TMED3: variants seen among roughly 807,000 people sequenced by gnomAD.
TMED3 encodes the protein transmembrane p24 trafficking protein 3.
Under a neutral mutation model 15.0 loss-of-function variants are expected in TMED3, and 9 were observed. The observed-to-expected ratio is 0.60, with a 90% CI of 0.36 to 1.04. The LOEUF is 1.04. TMED3 is among the 50% of genes least tolerant of loss of function. TMED3 has a pLI of 0.01. For missense variants in TMED3, 267 were observed against 278.9 expected, an observed-to-expected ratio of 0.96 and a Z score of 0.30; for synonymous variants, 117 against 121.4, an observed-to-expected ratio of 0.96 and a Z score of 0.24.
chr15:79,314,696 G>A lies in TMED3; in HGVS notation c.417+691G>A, dbSNP rs533576732. ...TGTGGCAAAGCTGGATGAAAGGAAG[G>A]CTGGCAAGTAGAGCCTTAGCAACAG... On this transcript the variant is annotated intron_variant, in intron 2 of 2. Transcript: ENST00000299705. 78 of 375,820 alleles carry A rather than the reference G, an allele frequency of 2.1e-4. No homozygotes were observed. In the Middle Eastern group the frequency reaches 4.0e-3, roughly 19 times the overall value. The allele number at this position is 375,820 out of a possible 1,614,324, so 23.3% of individuals were successfully genotyped here. A position where few individuals can be genotyped will look rare whatever the true frequency, so the allele number is the denominator to read the frequency against.
In TMED3 at chr15:79,387,210, CT is replaced by C. The variant is rs773349912; in HGVS notation, c.418-24189del. Among the ~76,000 whole-genome samples, 13 of 152,264 alleles carry C rather than the reference CT, an allele frequency of 8.5e-5. No homozygotes were observed. The East Asian group carries it at 1.5e-3, about 18-fold the overall frequency. The stretch of plus-strand genomic sequence containing the variant: ...TTTTATATTTAAGTCTATAATCCCC[CT>C]GGATTGTTTTTAGTGTTTTAGAAAG... On this transcript the variant is annotated intron_variant, in intron 2 of 2. Coordinates refer to the TMED3 transcript ENST00000424155.
chr15:79,362,540 A>C (rs921648844), intron 2 of TMED3, among the ~76,000 whole-genome samples: 1 of 152,160 alleles, frequency 6.6e-6, no homozygotes, highest in African/African-American at 2.4e-5. Context: ...TTTATGTATA[A>C]GAATTGATAT....
intron 2 of TMED3, among the ~76,000 whole-genome samples, chr15:79,334,477 G>T (rs1372221434): frequency 6.6e-6 from 1 of 152,150 alleles, no homozygotes; most frequent in African/African-American, 2.4e-5. Context: ...AGCTTTTCAG[G>T]CAGGTGTGCA....
intron 2 of TMED3, among the ~76,000 whole-genome samples, chr15:79,331,801 G>T (rs1449723812): frequency 6.6e-6 from 1 of 152,142 alleles, no homozygotes; most frequent in Non-Finnish European, 1.5e-5. Context: ...ATGAAAATAT[G>T]CTCAACATCA....
chr15:79,352,115 G>A (rs2174822), intron 2 of TMED3, among the ~76,000 whole-genome samples: 14,176 of 151,858 alleles, frequency 0.093, 710 homozygotes, highest in Admixed American at 0.12. Flanking sequence ...TATTGGGGAC[G>A]GTGTACACTG....
At chr15:79,346,720 T>G (rs895508369) in intron 2 of TMED3, among the ~76,000 whole-genome samples, 2 of 152,218 alleles carry the variant, frequency 1.3e-5, no homozygotes, top group Non-Finnish European at 2.9e-5. Context: ...GGGTCCAGTT[T>G]CAATCTCCTG....
At chr15:79,318,976 T>G (rs962250700) in intron 2 of TMED3, among the ~76,000 whole-genome samples, 17 of 152,184 alleles carry the variant, frequency 1.1e-4, no homozygotes, top group African/African-American at 4.1e-4. Flanking sequence ...ACCTACCAAA[T>G]GCAGGGAAGT....
chr15:79,397,428 C>T (rs541115108), intron 2 of TMED3, among the ~76,000 whole-genome samples: 26 of 152,324 alleles, frequency 1.7e-4, no homozygotes, highest in African/African-American at 6.3e-4. Flanking sequence ...TCTGAAGAGC[C>T]TCTTTCCCTC....
In TMED3 at chr15:79,311,324, C is replaced by T. The variant is rs140908103; in HGVS notation, c.75C>T (p.Cys25=). The T allele has an allele frequency of 2.9e-5, 46 of 1,609,608 alleles. 1 individual carries two copies. The South Asian group carries it at 4.4e-4, about 15-fold the overall frequency. ...LLLLRRAEQP[C]GAELTFELPD... ...TCCTGCGCCGGGCCGAGCAGCCCTG[C>T]GGGGCCGAGCTCACCTTCGAGCTGC... The change falls in exon 1 of 3, where the codon TGC becomes TGT. Residue 25 remains cysteine, a synonymous_variant. Coordinates refer to ENST00000299705, the MANE Select transcript of TMED3 (RefSeq NM_007364.4).
downstream of TMED3, among the ~76,000 whole-genome samples, chr15:79,326,870 TA>T (rs2058789320): frequency 6.6e-6 from 1 of 152,126 alleles, no homozygotes; most frequent in African/African-American, 2.4e-5. Flanking sequence ...GAGTAACTTA[TA>T]AAGAAAAAAT....
rs114771709 is a variant in TMED3, at chr15:79,357,005, A to C, written c.417+43000A>C. On this transcript the variant is annotated intron_variant, in intron 2 of 2. Transcript: ENST00000424155. ...AAGCAAACTGAAAAACAGAATGTGT[A>C]GTATGAACCCATTTAAAATAAAAAG... Among the ~76,000 whole-genome samples the C allele has an allele frequency of 1.7e-3, 262 of 151,354 alleles. 1 individual carries two copies. Among genetic ancestry groups the C allele is most frequent in the African/African-American group, 6.2e-3 (256 of 41,086 alleles).
In TMED3 at chr15:79,311,188, GC is replaced by G. The variant is rs2058710784; in HGVS notation, c.-58del. On this transcript the variant is annotated 5_prime_UTR_variant, in exon 1 of 3. Transcript: ENST00000299705. ...TCCTAGGACCCGGTCGGTAGTCGTC[GC>G]CCCAGCCCGCCGGGGGCGCAGCGCC... is the stretch of plus-strand genomic sequence containing the variant. 1 of 1,514,704 alleles carries G rather than the reference GC, an allele frequency of 6.6e-7. No homozygotes were observed. Among genetic ancestry groups the G allele is most frequent in the African/African-American group, 1.4e-5 (1 of 71,730 alleles). The allele number at this position is 1,514,704 out of a possible 1,614,324, so 93.8% of individuals were successfully genotyped here.
At chr15:79,339,536 A>G (rs1215284602) in intron 2 of TMED3, among the ~76,000 whole-genome samples, 1 of 152,160 alleles carries the variant, frequency 6.6e-6, no homozygotes, top group African/African-American at 2.4e-5. Flanking sequence ...ATTAACTTCC[A>G]TTGCAAAAGT....
intron 2 of TMED3, among the ~76,000 whole-genome samples, chr15:79,351,089 T>A (rs2058889568): frequency 1.3e-5 from 2 of 152,216 alleles, no homozygotes; most frequent in South Asian, 4.1e-4. Flanking sequence ...AATGTTACTG[T>A]ATTTATTGTC....
At chr15:79,346,877 A>G (rs2058873274) in intron 2 of TMED3, among the ~76,000 whole-genome samples, 1 of 152,146 alleles carries the variant, frequency 6.6e-6, no homozygotes. Context: ...TCTGAAATTG[A>G]GCCAGTAATA....
intron 2 of TMED3, among the ~76,000 whole-genome samples, chr15:79,343,585 T>G (rs2058858737): frequency 6.6e-6 from 1 of 152,190 alleles, no homozygotes; most frequent in Admixed American, 6.5e-5. Context: ...TGTGTTGATT[T>G]ATATTTCAAA....
At chr15:79,362,583 C>T (rs1390155432) in intron 2 of TMED3, among the ~76,000 whole-genome samples, 2 of 152,134 alleles carry the variant, frequency 1.3e-5, no homozygotes, top group African/African-American at 2.4e-5. Flanking sequence ...CAAATCTCAG[C>T]TTGAATTGTA....
chr15:79,404,131 G>A (rs899279259), intron 2 of TMED3, among the ~76,000 whole-genome samples: 8 of 152,308 alleles, frequency 5.3e-5, no homozygotes, highest in Non-Finnish European at 1.2e-4. Flanking sequence ...AAGATTCTAT[G>A]CCATTAAACC....
Position 79,322,302 on chromosome 15 carries a change from A to G in TMED3, c.*88A>G, listed in dbSNP as rs577519786. On this transcript the variant is annotated 3_prime_UTR_variant, in exon 3 of 3. Transcript: ENST00000299705. ...CCTGCTGGGCTGGGTCGCGTAGCCC[A>G]GGGTGGAGGCAGAACGATGCTGCTG... 2 of 1,529,954 alleles carry G rather than the reference A, an allele frequency of 1.3e-6. No individual in the cohort carries two copies. The highest frequency in any genetic ancestry group is 4.5e-5 in the East Asian group (2 of 44,164). 94.8% of individuals were successfully genotyped at this position (1,529,954 alleles called of 1,614,324 possible).
Sources: gnomAD v4.1 joint callset for allele counts (sites outside exome capture counted in the v4.1 genomes callset) on GRCh38, gnomAD v4.1.1 for gene constraint, MANE v1.5 for transcripts, NCBI Gene and HGNC (gene_info 2026-07-23, HGNC 2026-07-21) for gene names.